Variants in IGSF5 observed in about 807,000 individuals in gnomAD.
IGSF5 encodes immunoglobulin superfamily member 5, also known as immunoglobulin superfamily 5 like.
Under a neutral mutation model 39.4 loss-of-function variants are expected in IGSF5, and 41 were observed. The observed-to-expected ratio is 1.04, with a 90% confidence interval of 0.81 to 1.35. The LOEUF (loss-of-function observed/expected upper bound fraction) is 1.35. Among genes scored for constraint, IGSF5 ranks in the 40% most tolerant of loss-of-function variants. The pLI, the probability that IGSF5 is intolerant of heterozygous loss-of-function variation, is 0.00. For missense variants in IGSF5, 487 were observed against 494.6 expected, an observed-to-expected ratio of 0.98 and a Z score of 0.15; for synonymous variants, 183 against 175.3, an observed-to-expected ratio of 1.04 and a Z score of -0.34.
chr21:39,753,902 A>G (rs2080017419), intron 2 of IGSF5, among the ~76,000 whole-genome samples: 1 of 144,218 alleles, frequency 6.9e-6, no homozygotes, highest in South Asian at 2.3e-4. Flanking sequence ...TCTTGAAGAC[A>G]GTAGATATTT....
In IGSF5 at chr21:39,745,501, C is replaced by G. The variant is rs375746599; in HGVS notation, c.-9C>G. ...CTTTCAAGAAAGTCGTGTTCGGGACCCAGGAGGTATGGGTCAGAAGGAAAG... is the reference window on the plus strand; with the variant it reads ...CTTTCAAGAAAGTCGTGTTCGGGACGCAGGAGGTATGGGTCAGAAGGAAAG... On this transcript the variant is annotated 5_prime_UTR_variant, in exon 1 of 9. Coordinates refer to ENST00000380588, the MANE Select transcript of IGSF5 (RefSeq NM_001080444.2). The G allele has an allele frequency of 1.4e-6, 1 of 716,308 alleles. No individual in the cohort carries two copies. Among genetic ancestry groups the G allele is most frequent in the Non-Finnish European group, 2.6e-6 (1 of 384,744 alleles). The allele number at this position is 716,308 out of a possible 1,614,324, so 44.4% of individuals were successfully genotyped here. A position where few individuals can be genotyped will look rare whatever the true frequency, so the allele number is the denominator to read the frequency against.
chr21:39,782,254 G>T (rs2080174631), intron 5 of IGSF5, among the ~76,000 whole-genome samples: 1 of 152,116 alleles, frequency 6.6e-6, no homozygotes, highest in African/African-American at 2.4e-5. Flanking sequence ...ATGTTTTAAT[G>T]TCTCCTTGGG....
In IGSF5 at chr21:39,765,629, C is replaced by G. The variant is rs374245970; in HGVS notation, c.195C>G (p.Gly65=). The change falls in exon 3 of 9, where the codon GGC becomes GGG. Residue 65 remains glycine (G), a synonymous_variant. Transcript: ENST00000380588. Reference sequence around the variant, plus strand: ...GCTTCAACTGCACCGTCTCCCAGGGCTGGAAGCTCATCATGTGGGCTCTCA... The same window carrying G: ...GCTTCAACTGCACCGTCTCCCAGGGGTGGAAGCTCATCATGTGGGCTCTCA... ...QARFNCTVSQ[G]WKLIMWALSD... 2.5e-5 allele frequency: 40 copies of G among 1,614,156 alleles called. No individual in the cohort carries two copies. The East Asian group carries it at 6.2e-4, about 25-fold the overall frequency.
the IGSF5 span, among the ~76,000 whole-genome samples, chr21:39,718,575 T>A: frequency 6.6e-6 from 1 of 152,238 alleles, no homozygotes. Context: ...TTGAATTTTA[T>A]CAAAAGCCTT....
Position 39,771,005 on chromosome 21 carries a change from C to T in IGSF5, c.508C>T (p.Arg170Trp), listed in dbSNP as rs8129968. 86,243 of 1,613,322 alleles carry T rather than the reference C, an allele frequency of 0.053. 3,634 individuals are homozygous for T. Among genetic ancestry groups the T allele is most frequent in the East Asian group, 0.18 (7,908 of 44,854 alleles). ...EVTCLPSHWTRLPDISWELGL... is the reference protein window; with the variant it reads ...EVTCLPSHWTWLPDISWELGL... The stretch of plus-strand genomic sequence containing the variant: ...TACTTGTCTACCCTCACACTGGACC[C>T]GGCTCCCGGATATTTCCTGGGAGCT... Residue 170 changes from arginine to tryptophan, a missense_variant, in exon 4 of 9, where the codon CGG becomes TGG. Coordinates refer to ENST00000380588, the MANE Select transcript of IGSF5 (RefSeq NM_001080444.2).
At chr21:39,770,275 T>TAA (rs75722476) in intron 3 of IGSF5, among the ~76,000 whole-genome samples, 5 of 151,932 alleles carry the variant, frequency 3.3e-5, no homozygotes, top group African/African-American at 9.7e-5. Flanking sequence ...GTGTTCTTAA[T>TAA]AAAAAAATAA....
chr21:39,718,268 A>G, the IGSF5 span, among the ~76,000 whole-genome samples: 1 of 152,198 alleles, frequency 6.6e-6, no homozygotes, highest in African/African-American at 2.4e-5. Context: ...AGGGTTTTCT[A>G]TGTATAAAAC....
intron 3 of IGSF5, among the ~76,000 whole-genome samples, chr21:39,768,345 T>G (rs758395367): frequency 6.6e-6 from 1 of 152,220 alleles, no homozygotes; most frequent in African/African-American, 2.4e-5. Context: ...CCTCCTTATA[T>G]GTCAACAAAA....
Position 39,771,234 on chromosome 21 carries a change from C to A in IGSF5, c.718+19C>A. 2 of 1,510,536 alleles carry A rather than the reference C, an allele frequency of 1.3e-6. No individual in the cohort carries two copies. The highest frequency in any genetic ancestry group is 1.4e-5 in the South Asian group (1 of 72,218). The allele number at this position is 1,510,536 out of a possible 1,614,324, so 93.6% of individuals were successfully genotyped here. On this transcript the variant is annotated intron_variant, in intron 4 of 8. Coordinates refer to ENST00000380588, the MANE Select transcript of IGSF5 (RefSeq NM_001080444.2). ...CCCCAAGGTAAGTGAAGACATTCTG[C>A]TTTATATGAAATGAATGATTATTTC...
At chr21:39,742,877 C>T (rs368178649), upstream of IGSF5, among the ~76,000 whole-genome samples, 22 of 152,210 alleles carry the variant, frequency 1.4e-4, 1 homozygote, top group African/African-American at 5.3e-4. Context: ...CTAAGTTTTG[C>T]TCCAGGCCTA....
At chr21:39,734,329 A>C in the IGSF5 span, among the ~76,000 whole-genome samples, 1 of 151,372 alleles carries the variant, frequency 6.6e-6, no homozygotes, top group African/African-American at 2.4e-5. Context: ...AGGCTGAGGC[A>C]GGAGAATCGC....
intron 2 of IGSF5, among the ~76,000 whole-genome samples, chr21:39,757,443 G>A (rs1306205001): frequency 1.3e-5 from 2 of 152,050 alleles, no homozygotes; most frequent in African/African-American, 4.8e-5. Context: ...GGTGGTGTAA[G>A]ACGATTTCAA....
the IGSF5 span, among the ~76,000 whole-genome samples, chr21:39,712,763 A>G: frequency 3.3e-5 from 5 of 152,074 alleles, no homozygotes; most frequent in Admixed American, 6.6e-5. Flanking sequence ...TTCCACGGTG[A>G]ATGCTGTCTT....
chr21:39,745,157 A>ATCTC (rs35473597), upstream of IGSF5, among the ~76,000 whole-genome samples: 26 of 145,736 alleles, frequency 1.8e-4, no homozygotes, highest in South Asian at 6.5e-4. Context: ...CTCTCTCTTC[A>ATCTC]TCTCTCTCTC....
chr21:39,754,571 C>A (rs939743549), intron 2 of IGSF5, among the ~76,000 whole-genome samples: 2 of 152,192 alleles, frequency 1.3e-5, no homozygotes, highest in African/African-American at 2.4e-5. Flanking sequence ...GGCTGATCTT[C>A]TGAGTGTGTT....
intron 3 of IGSF5, among the ~76,000 whole-genome samples, chr21:39,766,565 C>T (rs933690661): frequency 6.6e-5 from 10 of 151,916 alleles, no homozygotes; most frequent in African/African-American, 2.4e-4. Context: ...GTGTGTTCAC[C>T]AAATATATCA....
intron 2 of IGSF5, among the ~76,000 whole-genome samples, chr21:39,756,089 TCAAACAAACAAA>T (rs10533195): frequency 0.22 from 34,009 of 151,296 alleles, 4,571 homozygotes; most frequent in Non-Finnish European, 0.32. Context: ...GGACTCGGTC[TCAAACAAACAAA>T]CAAACAAACA....
chr21:39,779,416 C>T (rs1488039966), intron 5 of IGSF5, 111 bp downstream of exon 5: 1 of 1,323,514 alleles, frequency 7.6e-7, no homozygotes, highest in Non-Finnish European at 1.0e-6. Flanking sequence ...TACAATATCA[C>T]TTTACCTCTA....
the IGSF5 span, among the ~76,000 whole-genome samples, chr21:39,712,510 A>T: frequency 6.6e-6 from 1 of 151,752 alleles, no homozygotes; most frequent in Non-Finnish European, 1.5e-5. Context: ...TTGGTCTCTG[A>T]GTGATTGTGC....
Sources: allele counts gnomAD v4.1 joint callset (sites outside exome capture counted in the v4.1 genomes callset), GRCh38; gene constraint gnomAD v4.1.1; transcripts MANE v1.5; gene names NCBI Gene and HGNC (gene_info 2026-07-23, HGNC 2026-07-21).